The following JMJD1C variants were observed in gnomAD, a reference collection of about 807,000 sequenced individuals.
The protein encoded by JMJD1C is jumonji domain containing 1C, also known as jumonji domain-containing protein 1C.
A neutral mutation model predicts 245.3 loss-of-function variants in JMJD1C; 31 were observed. The observed-to-expected ratio is 0.13, with a 90% confidence interval of 0.09 to 0.17. The LOEUF (loss-of-function observed/expected upper bound fraction) is 0.17, where lower values mean the gene tolerates loss of function less well. Among genes scored for constraint, JMJD1C ranks in the 10% least tolerant of loss-of-function variants. The pLI is 1.00. For synonymous variants in JMJD1C, 1,057 were observed against 1,017.4 expected (o/e 1.04, Z -0.74); for missense variants, 2,691 against 3,000.2 (o/e 0.90, Z 2.41).
chr10:63,319,190 G>C (rs1419290562), intron 2 of JMJD1C, among the ~76,000 whole-genome samples: 1 of 150,052 alleles, frequency 6.7e-6, no homozygotes, highest in African/African-American at 2.4e-5. Context: ...CCCGGAGGCG[G>C]AGCTTGCAGT....
chr10:63,392,581 C>G (rs935425323), intron 1 of JMJD1C, among the ~76,000 whole-genome samples: 1 of 151,974 alleles, frequency 6.6e-6, no homozygotes, highest in African/African-American at 2.4e-5. Context: ...AATCCCAGAA[C>G]TTTAGGAGGC....
intron 1 of JMJD1C, among the ~76,000 whole-genome samples, chr10:63,387,836 C>T (rs1947749761): frequency 6.6e-6 from 1 of 151,440 alleles, no homozygotes; most frequent in Admixed American, 6.6e-5. Flanking sequence ...GGGGTTTCAC[C>T]GTGTTAGCCA....
At chr10:63,407,010 G>T (rs7915339) in intron 1 of JMJD1C, among the ~76,000 whole-genome samples, 1 of 151,868 alleles carries the variant, frequency 6.6e-6, no homozygotes, top group Non-Finnish European at 1.5e-5. Context: ...GAAAAAAAAA[G>T]AAGCTTAATC....
At position 63,208,149 on chromosome 10, in the gene JMJD1C, G is replaced by A; in HGVS notation, c.3520C>T (p.His1174Tyr). ...PEHLPHQIAS[H>Y]SVTTFRNDCR... ...TCATTTCTGAAGGTTGTTACTGAGT[G>A]AGATGCAATCTGATGTGGAAGATGT... The change falls in exon 10 of 26, where the codon CAC becomes TAC. Residue 1174 changes from histidine to tyrosine, a missense_variant. His to Tyr is a moderately conservative substitution (Grantham distance 83). Transcript: ENST00000399262. 6.2e-7 allele frequency: 1 copy of A among 1,614,190 alleles called. No homozygotes were observed. The highest frequency in any genetic ancestry group is 8.5e-7 in the Non-Finnish European group (1 of 1,180,014).
At chr10:63,312,475 T>A (rs1255863335) in intron 2 of JMJD1C, among the ~76,000 whole-genome samples, 1 of 152,142 alleles carries the variant, frequency 6.6e-6, no homozygotes, top group Non-Finnish European at 1.5e-5. Context: ...TGCATCAAAA[T>A]CCAAGAAATA....
rs187188523 is a variant in JMJD1C, at chr10:63,347,826, A to C, written c.333+32492T>G. On this transcript the variant is annotated intron_variant, in intron 2 of 25. Coordinates refer to ENST00000399262, the MANE Select transcript of JMJD1C (RefSeq NM_032776.3). ...CTACTCCGGCGGCGGAGGCAGGAGAATCTCTTCAACCCAGGGGGTGGAAGT... is the reference window on the plus strand; with the variant it reads ...CTACTCCGGCGGCGGAGGCAGGAGACTCTCTTCAACCCAGGGGGTGGAAGT... Among the ~76,000 whole-genome samples the C allele has an allele frequency of 1.1e-3, 169 of 152,116 alleles. 1 individual carries two copies. The highest frequency in any genetic ancestry group is 3.7e-3 in the African/African-American group (155 of 41,502).
At chr10:63,472,309 TC>T (rs1221147586) in intron 1 of JMJD1C, among the ~76,000 whole-genome samples, 1 of 152,042 alleles carries the variant, frequency 6.6e-6, no homozygotes, top group Non-Finnish European at 1.5e-5. Context: ...GATGCTTCTT[TC>T]CCCCACTTGC....
chr10:63,345,235 C>A (rs1943707558), intron 2 of JMJD1C, among the ~76,000 whole-genome samples: 1 of 152,032 alleles, frequency 6.6e-6, no homozygotes, highest in Non-Finnish European at 1.5e-5. Context: ...GCCTGTAATC[C>A]CAATACTTTG....
At chr10:63,345,557 A>T (rs1184730667) in intron 2 of JMJD1C, among the ~76,000 whole-genome samples, 1 of 152,100 alleles carries the variant, frequency 6.6e-6, no homozygotes, top group Non-Finnish European at 1.5e-5. Context: ...ATGAATCTCA[A>T]AATTAATGAA....
chr10:63,215,718 A>G (rs1233303481), intron 5 of JMJD1C, 22 bp from the exon 6 acceptor site: 10 of 1,489,640 alleles, frequency 6.7e-6, no homozygotes, highest in Non-Finnish European at 9.0e-6. Context: ...TACAAAACAA[A>G]AACAAAAATT....
chr10:63,340,870 A>T (rs1943310036), intron 2 of JMJD1C, among the ~76,000 whole-genome samples: 2 of 152,106 alleles, frequency 1.3e-5, no homozygotes, highest in South Asian at 4.1e-4. Context: ...GCTTGAACCC[A>T]GGAGATGGAG....
At chr10:63,264,983 A>T (rs1855353065) in intron 2 of JMJD1C, among the ~76,000 whole-genome samples, 1 of 152,188 alleles carries the variant, frequency 6.6e-6, no homozygotes, top group Non-Finnish European at 1.5e-5. Context: ...TGATATGGGC[A>T]TATTTGAGTA....
intron 8 of JMJD1C, among the ~76,000 whole-genome samples, chr10:63,212,541 GCCTTATACCGCTA>G (rs554559359): frequency 3.8e-4 from 58 of 152,204 alleles, no homozygotes; most frequent in African/African-American, 1.3e-3. Context: ...ATGAACAAGA[GCCTTATACCGCTA>G]CCTTTAGCAA....
At chr10:63,178,755 A>C (rs1843105614) in intron 22 of JMJD1C, among the ~76,000 whole-genome samples, 1 of 152,234 alleles carries the variant, frequency 6.6e-6, no homozygotes, top group Non-Finnish European at 1.5e-5. Context: ...ACAAACTAAA[A>C]TTCCTACACG....
intron 12 of JMJD1C, 32 bp from the exon 13 acceptor site, chr10:63,197,595 G>A: frequency 6.1e-6 from 9 of 1,474,322 alleles, no homozygotes; most frequent in Admixed American, 2.6e-5. Context: ...AATTTTAAAG[G>A]CAAACATGCT....
chr10:63,465,375 G>A (rs1216184804), intron 1 of JMJD1C, 120 bp downstream of exon 1: 5 of 1,069,418 alleles, frequency 4.7e-6, no homozygotes, highest in Non-Finnish European at 2.6e-6. Flanking sequence ...GGGTTCAGCA[G>A]AGGGGCGTGA....
chr10:63,453,804 C>T (rs1952227075), intron 1 of JMJD1C, among the ~76,000 whole-genome samples: 1 of 152,236 alleles, frequency 6.6e-6, no homozygotes, highest in South Asian at 2.1e-4. Context: ...AGTAGCGCTA[C>T]TTTGGCTCAC....
intron 1 of JMJD1C, among the ~76,000 whole-genome samples, chr10:63,519,519 T>C (rs1290497776): frequency 6.6e-6 from 1 of 152,246 alleles, no homozygotes; most frequent in Admixed American, 6.5e-5. Context: ...ATACACCATG[T>C]CTGTTCTCAA....
chr10:63,293,178 C>A (rs955457053), intron 2 of JMJD1C, among the ~76,000 whole-genome samples: 1 of 152,176 alleles, frequency 6.6e-6, no homozygotes, highest in African/African-American at 2.4e-5. Flanking sequence ...TAGCATCAGT[C>A]TCAAAGAATA....
Sources: allele counts gnomAD v4.1 joint callset (sites outside exome capture counted in the v4.1 genomes callset), GRCh38; gene constraint gnomAD v4.1.1; transcripts MANE v1.5; gene names NCBI Gene and HGNC (gene_info 2026-07-23, HGNC 2026-07-21).